The following EARS2 variants were observed in gnomAD, a reference collection of about 807,000 sequenced individuals.
The protein encoded by EARS2 is glutamyl-tRNA synthetase 2, mitochondrial, also known as nondiscriminating glutamyl-tRNA synthetase EARS2, mitochondrial.
A neutral mutation model predicts 54.1 loss-of-function variants in EARS2; 50 were observed. The observed-to-expected ratio is 0.92, with a 90% CI of 0.74 to 1.17. The LOEUF is 1.17. Among genes scored for constraint, EARS2 ranks in the 50% most tolerant of loss-of-function variants. EARS2 has a pLI of 0.00. For synonymous variants in EARS2, 298 were observed against 281.0 expected (o/e 1.06, Z -0.61); for missense variants, 673 against 675.0 (o/e 1.00, Z 0.03).
intron 3 of EARS2, among the ~76,000 whole-genome samples, chr16:23,538,217 G>C: frequency 6.6e-6 from 1 of 152,024 alleles, no homozygotes; most frequent in East Asian, 1.9e-4. Context: ...TGTCACCCAG[G>C]CTGGAGTGCA....
At chr16:23,549,035 C>T (rs1193766778) in intron 2 of EARS2, among the ~76,000 whole-genome samples, 3 of 152,182 alleles carry the variant, frequency 2.0e-5, no homozygotes, top group African/African-American at 7.2e-5. Context: ...ACACCTCATT[C>T]CTCTTGGTTG....
intron 1 of EARS2, among the ~76,000 whole-genome samples, chr16:23,556,004 TAATTTTGTGC>T (rs1965773929): frequency 6.6e-6 from 1 of 152,272 alleles, no homozygotes; most frequent in African/African-American, 2.4e-5. Flanking sequence ...GTCATTATAT[TAATTTTGTGC>T]AAATATTGAT....
chr16:23,535,404 T>C, intron 3 of EARS2, 44 bp from the exon 4 acceptor site: 1 of 1,557,172 alleles, frequency 6.4e-7, no homozygotes, highest in Non-Finnish European at 8.7e-7. Context: ...ATGGAAAGGT[T>C]GATGGACAGG....
intron 4 of EARS2, 26 bp downstream of exon 4, chr16:23,534,862 C>T (rs767860727): frequency 6.5e-7 from 1 of 1,536,132 alleles, no homozygotes; most frequent in Non-Finnish European, 8.8e-7. Flanking sequence ...CTCTCTGCTG[C>T]CAGGACTATT....
chr16:23,540,843 T>C (rs973505082), intron 3 of EARS2, among the ~76,000 whole-genome samples: 1 of 151,802 alleles, frequency 6.6e-6, no homozygotes, highest in Non-Finnish European at 1.5e-5. Flanking sequence ...AAAATTAAAT[T>C]AGCCAAGTGT....
chr16:23,529,387 C>T, intron 7 of EARS2, 115 bp downstream of exon 7: 1 of 1,352,288 alleles, frequency 7.4e-7, no homozygotes, highest in Non-Finnish European at 1.0e-6. Context: ...CACTTCTTCA[C>T]TGGCCATGGA....
intron 3 of EARS2, among the ~76,000 whole-genome samples, chr16:23,540,179 G>A (rs1306875810): frequency 6.6e-6 from 1 of 152,020 alleles, no homozygotes; most frequent in Non-Finnish European, 1.5e-5. Context: ...ATAACACTCT[G>A]TGTGTGGTGG....
intron 8 of EARS2, 146 bp from the exon 9 acceptor site, chr16:23,524,600 G>A: frequency 5.8e-6 from 4 of 689,410 alleles, no homozygotes; most frequent in Middle Eastern, 5.0e-4. Flanking sequence ...TTATTTCCCT[G>A]GAAAAGGATG....
chr16:23,535,770 T>C (rs559969415), intron 3 of EARS2, among the ~76,000 whole-genome samples: 8 of 151,618 alleles, frequency 5.3e-5, no homozygotes, highest in Non-Finnish European at 1.2e-4. Context: ...CCGGGAAAGG[T>C]TTTTCTCTCC....
intron 1 of EARS2, 70 bp from the exon 2 acceptor site, chr16:23,552,374 C>T: frequency 6.6e-7 from 1 of 1,504,170 alleles, no homozygotes; most frequent in Non-Finnish European, 9.2e-7. Flanking sequence ...GGCAAGTAAG[C>T]ACTACTGTGA....
At chr16:23,548,340 G>T (rs1374480212) in intron 2 of EARS2, among the ~76,000 whole-genome samples, 1 of 152,132 alleles carries the variant, frequency 6.6e-6, no homozygotes, top group African/African-American at 2.4e-5. Flanking sequence ...CAGCCACCAT[G>T]AGGTGCCTGA....
Position 23,532,691 on chromosome 16 carries a change from G to C in EARS2, c.1033C>G (p.Leu345Val), listed in dbSNP as rs542252126. The C allele has an allele frequency of 1.7e-5, 27 of 1,614,124 alleles. No homozygotes were observed. The African/African-American group carries it at 2.3e-4, about 14-fold the overall frequency. Residue 345 changes from leucine (L) to valine (V), a missense_variant, in exon 5 of 9, where the codon CTG (leucine) becomes GTG (valine). Physicochemically the swap from Leu to Val is conservative, Grantham distance 32. This residue lies in a region of EARS2 where 338 missense variants were observed against 361.2 expected (regional missense o/e 0.94). Transcript: ENST00000449606. ...NLTQVTCHSALLDLEKLPEFN... is the reference protein window; with the variant it reads ...NLTQVTCHSAVLDLEKLPEFN... ...TCTGGGAGCTTCTCCAGGTCCAGCAGGGCTGAGTGACAGGTGACCTGTGTC... is the reference window on the plus strand; with the variant it reads ...TCTGGGAGCTTCTCCAGGTCCAGCACGGCTGAGTGACAGGTGACCTGTGTC...
At chr16:23,540,565 T>C (rs887178556) in intron 3 of EARS2, among the ~76,000 whole-genome samples, 3 of 152,240 alleles carry the variant, frequency 2.0e-5, no homozygotes, top group African/African-American at 7.2e-5. Context: ...TCAGCAAACA[T>C]ACTGCACAAG....
chr16:23,537,890 G>A (rs888969035), intron 3 of EARS2, among the ~76,000 whole-genome samples: 6 of 149,930 alleles, frequency 4.0e-5, no homozygotes, highest in Admixed American at 3.3e-4. Flanking sequence ...ATTCCCAAGG[G>A]TAAAGTGATT....
In EARS2 at chr16:23,521,529, G is replaced by C. The variant is rs1296404958; in HGVS notation, c.*2842C>G. Reference sequence around the variant, plus strand: ...TCCTCCTACCTTAGTCTCCCAAGTAGCTGGGACTACAGGCATATGTCACCT... The same window carrying C: ...TCCTCCTACCTTAGTCTCCCAAGTACCTGGGACTACAGGCATATGTCACCT... On this transcript the variant is annotated 3_prime_UTR_variant, in exon 9 of 9. Transcript: ENST00000449606. 1.3e-5 allele frequency among the ~76,000 whole-genome samples: 2 copies of C among 151,898 alleles called. No individual in the cohort carries two copies.
At chr16:23,557,045 T>G (rs761532159) in intron 1 of EARS2, 160 bp downstream of exon 1, 29 of 1,083,368 alleles carry the variant, frequency 2.7e-5, no homozygotes, top group African/African-American at 2.0e-4. Context: ...TTTCCGCTCC[T>G]GCACCTCAGT....
intron 4 of EARS2, 62 bp from the exon 5 acceptor site, chr16:23,532,827 T>C: frequency 8.1e-7 from 1 of 1,235,834 alleles, no homozygotes; most frequent in South Asian, 1.3e-5. Context: ...CCACTTTATC[T>C]CTTTTTTTTA....
chr16:23,532,694 C>G lies in EARS2; in HGVS notation c.1030G>C (p.Ala344Pro), dbSNP rs528598850. 1 of 1,614,136 alleles carries G rather than the reference C, an allele frequency of 6.2e-7. No individual in the cohort carries two copies. Residue 344 changes from alanine (A) to proline (P), a missense_variant, in exon 5 of 9, where the codon GCC becomes CCC. Ala to Pro is a conservative substitution (Grantham distance 27). Coordinates refer to ENST00000449606, the MANE Select transcript of EARS2 (RefSeq NM_001083614.2). Reference sequence around the variant, plus strand: ...GGGAGCTTCTCCAGGTCCAGCAGGGCTGAGTGACAGGTGACCTGTGTCAGG... The same window carrying G: ...GGGAGCTTCTCCAGGTCCAGCAGGGGTGAGTGACAGGTGACCTGTGTCAGG... ...FNLTQVTCHS[A>P]LLDLEKLPEF...
intron 2 of EARS2, chr16:23,544,947 T>A (rs1330178469): frequency 2.6e-6 from 1 of 390,526 alleles, no homozygotes. Flanking sequence ...GTTCAAGCGG[T>A]TCTCCTGCCT....
Sources: allele counts gnomAD v4.1 joint callset (sites outside exome capture counted in the v4.1 genomes callset), GRCh38; gene constraint gnomAD v4.1.1; regional missense constraint gnomAD v4.1.1; transcripts MANE v1.5; gene names NCBI Gene and HGNC (gene_info 2026-07-23, HGNC 2026-07-21).